Variants in ANKIB1 observed in about 807,000 individuals in gnomAD.
The protein encoded by ANKIB1 is ankyrin repeat and IBR domain-containing protein 1.
Under a neutral mutation model 122.1 loss-of-function variants are expected in ANKIB1, and 43 were observed. The observed-to-expected ratio is 0.35, with a 90% confidence interval of 0.28 to 0.45. The LOEUF is 0.45. ANKIB1 is among the 20% of genes least tolerant of loss of function. The pLI, the probability that ANKIB1 is intolerant of heterozygous loss-of-function variation, is 1.00. For synonymous variants in ANKIB1, 390 were observed against 442.0 expected, an observed-to-expected ratio of 0.88 and a Z score of 1.48; for missense variants, 992 against 1,329.5, an observed-to-expected ratio of 0.75 and a Z score of 3.95.
intron 10 of ANKIB1, among the ~76,000 whole-genome samples, chr7:92,363,652 C>T (rs1201484620): frequency 6.6e-6 from 1 of 152,156 alleles, no homozygotes; most frequent in South Asian, 2.1e-4. Flanking sequence ...GCATCTCTGC[C>T]TCGTAGTAGG....
intron 10 of ANKIB1, among the ~76,000 whole-genome samples, chr7:92,365,353 G>C (rs576666967): frequency 6.6e-6 from 1 of 152,336 alleles, no homozygotes; most frequent in South Asian, 2.1e-4. Context: ...AAAGCTGATA[G>C]ATGTCCTTCA....
At chr7:92,262,034 A>G (rs1325132775) in intron 1 of ANKIB1, among the ~76,000 whole-genome samples, 1 of 152,198 alleles carries the variant, frequency 6.6e-6, no homozygotes, top group Non-Finnish European at 1.5e-5. Flanking sequence ...CTTCATTAAG[A>G]TATACGGAAA....
At chr7:92,281,202 A>C (rs1218538308) in intron 1 of ANKIB1, among the ~76,000 whole-genome samples, 1 of 152,232 alleles carries the variant, frequency 6.6e-6, no homozygotes, top group African/African-American at 2.4e-5. Flanking sequence ...TAATCTGCCA[A>C]AGAAGTTCCT....
intron 1 of ANKIB1, among the ~76,000 whole-genome samples, chr7:92,254,922 G>A (rs1801403587): frequency 6.6e-6 from 1 of 152,144 alleles, no homozygotes; most frequent in Non-Finnish European, 1.5e-5. Context: ...TTGAATCATA[G>A]CATGAGGGCA....
In ANKIB1 at chr7:92,294,957, A is replaced by G. The variant is rs771084013; in HGVS notation, c.-22A>G. On this transcript the variant is annotated 5_prime_UTR_variant, in exon 2 of 20. Coordinates refer to ENST00000265742, the MANE Select transcript of ANKIB1 (RefSeq NM_019004.2). ...TAGAAGGAAAAAAGTGCCACTGCCT[A>G]TCAGAAAAAACAAAACAAAACATGG... The G allele has an allele frequency of 5.8e-5, 91 of 1,561,888 alleles. 1 individual carries two copies. Among genetic ancestry groups the G allele is most frequent in the Non-Finnish European group, 7.3e-5 (84 of 1,151,564 alleles).
chr7:92,399,708 T>G lies in ANKIB1; in HGVS notation c.*759T>G, dbSNP rs1020779971. The G allele has an allele frequency of 2.0e-5, 3 of 152,218 alleles. No individual in the cohort carries two copies. Among genetic ancestry groups the G allele is most frequent in the Admixed American group, 6.5e-5 (1 of 15,272 alleles). 9.4% of individuals were successfully genotyped at this position (152,218 alleles called of 1,614,324 possible). A position where few individuals can be genotyped will look rare whatever the true frequency, so the allele number is the denominator to read the frequency against. Reference sequence around the variant, plus strand: ...AATGGGTTTTTGTTGCCATGGAGACTGCATTTATATAAATGTAGCCTGTAG... The same window carrying G: ...AATGGGTTTTTGTTGCCATGGAGACGGCATTTATATAAATGTAGCCTGTAG... On this transcript the variant is annotated 3_prime_UTR_variant, in exon 20 of 20. Transcript: ENST00000265742.
intron 11 of ANKIB1, among the ~76,000 whole-genome samples, chr7:92,382,412 C>G (rs1161231445): frequency 6.6e-6 from 1 of 152,238 alleles, no homozygotes; most frequent in Admixed American, 6.5e-5. Context: ...ACAGAACTCT[C>G]TACCCCAAAT....
intron 1 of ANKIB1, among the ~76,000 whole-genome samples, chr7:92,281,807 A>T (rs1585086356): frequency 6.6e-6 from 1 of 152,246 alleles, no homozygotes; most frequent in East Asian, 1.9e-4. Flanking sequence ...GTACAGCAGC[A>T]ATTTGTAGTT....
chr7:92,392,226 C>T lies in ANKIB1; in HGVS notation c.2232-15C>T. 1 of 1,607,442 alleles carries T rather than the reference C, an allele frequency of 6.2e-7. No homozygotes were observed. Among genetic ancestry groups the T allele is most frequent in the Admixed American group, 1.7e-5 (1 of 59,526 alleles). On this transcript the variant is annotated splice_polypyrimidine_tract_variant and intron_variant, in intron 16 of 19. Coordinates refer to ENST00000265742, the MANE Select transcript of ANKIB1 (RefSeq NM_019004.2). Reference sequence around the variant, plus strand: ...ATTGATATTAAATCAAATGGTATGTCTAATTTCTTTGTAGCTTTGCTGGTG... The same window carrying T: ...ATTGATATTAAATCAAATGGTATGTTTAATTTCTTTGTAGCTTTGCTGGTG...
intron 3 of ANKIB1, among the ~76,000 whole-genome samples, chr7:92,311,301 A>G (rs1253501485): frequency 6.6e-6 from 1 of 152,136 alleles, no homozygotes; most frequent in African/African-American, 2.4e-5. Context: ...GTAACTATCC[A>G]TGGAACCTTG....
chr7:92,249,425 G>A (rs1301607455), intron 1 of ANKIB1, among the ~76,000 whole-genome samples: 2 of 149,676 alleles, frequency 1.3e-5, no homozygotes, highest in Non-Finnish European at 3.0e-5. Flanking sequence ...CATATCCTGT[G>A]TATAAGAATA....
At chr7:92,378,914 C>T (rs1804447467) in intron 11 of ANKIB1, among the ~76,000 whole-genome samples, 1 of 152,102 alleles carries the variant, frequency 6.6e-6, no homozygotes. Context: ...TCATGTGTAT[C>T]AACAACAATA....
Position 92,386,657 on chromosome 7 carries a change from ATT to A in ANKIB1, c.1752+15_1752+16del, listed in dbSNP as rs1269886793. 6.3e-7 allele frequency: 1 copy of A among 1,585,886 alleles called. No individual in the cohort carries two copies. Among genetic ancestry groups the A allele is most frequent in the Non-Finnish European group, 8.6e-7 (1 of 1,168,626 alleles). ...ATGACTGTGGAGGTAAAGAGAACCA[ATT>A]AAGCCAAGACATCTCTCTAAACCGC... On this transcript the variant is annotated intron_variant, in intron 12 of 19. Transcript: ENST00000265742.
At chr7:92,382,967 A>G (rs186996322) in intron 11 of ANKIB1, among the ~76,000 whole-genome samples, 1 of 152,178 alleles carries the variant, frequency 6.6e-6, no homozygotes, top group Middle Eastern at 3.2e-3. Context: ...TTTTTTGAAA[A>G]GATCAACAAA....
chr7:92,293,456 C>T (rs1345358192), intron 1 of ANKIB1, among the ~76,000 whole-genome samples: 1 of 152,182 alleles, frequency 6.6e-6, no homozygotes, highest in Non-Finnish European at 1.5e-5. Flanking sequence ...TCCCGAATAA[C>T]TGGTATTATA....
At chr7:92,260,245 A>G (rs914915663) in intron 1 of ANKIB1, among the ~76,000 whole-genome samples, 26 of 152,124 alleles carry the variant, frequency 1.7e-4, no homozygotes, top group African/African-American at 6.3e-4. Context: ...TCTCTATGCT[A>G]CAGTAACACT....
At chr7:92,258,391 A>G (rs1474630531) in intron 1 of ANKIB1, among the ~76,000 whole-genome samples, 3 of 152,196 alleles carry the variant, frequency 2.0e-5, no homozygotes, top group African/African-American at 7.2e-5. Context: ...ACTCACCTGG[A>G]ATGCTTGTTA....
rs754852174 is a variant in ANKIB1 at position 92,398,220 on chromosome 7, T to G, written c.2541T>G (p.Ser847Arg). Residue 847 changes from serine to arginine, a missense_variant, in exon 20 of 20, where the codon AGT (serine) becomes AGG (arginine). Physicochemically the swap from Ser to Arg is moderately radical, Grantham distance 110. Coordinates refer to ENST00000265742, the MANE Select transcript of ANKIB1 (RefSeq NM_019004.2). ...SENQDSLQAL[S>R]SLDEDDPNIL... ...GCTTTCTGTTGCTTCAGGCTCTGAGTTCCTTGGATGAAGACGATCCCAATA... is the reference window on the plus strand; with the variant it reads ...GCTTTCTGTTGCTTCAGGCTCTGAGGTCCTTGGATGAAGACGATCCCAATA... 6.3e-7 allele frequency: 1 copy of G among 1,578,944 alleles called. No individual in the cohort carries two copies. The highest frequency in any genetic ancestry group is 8.6e-7 in the Non-Finnish European group (1 of 1,164,460).
At chr7:92,395,452 C>T (rs1804865994) in intron 17 of ANKIB1, among the ~76,000 whole-genome samples, 1 of 151,986 alleles carries the variant, frequency 6.6e-6, no homozygotes, top group Non-Finnish European at 1.5e-5. Flanking sequence ...AATAGAAAAT[C>T]CAACAATCTG....
Sources: gnomAD v4.1 joint callset for allele counts (sites outside exome capture counted in the v4.1 genomes callset) on GRCh38, gnomAD v4.1.1 for gene constraint, MANE v1.5 for transcripts, NCBI Gene and HGNC (gene_info 2026-07-23, HGNC 2026-07-21) for gene names.